B3GALT1: variants seen among roughly 807,000 people sequenced by gnomAD.
B3GALT1 encodes the protein beta-1,3-galactosyltransferase 1.
In B3GALT1, 10 loss-of-function variants were observed where a neutral mutation model predicts 23.2. The ratio of observed to expected loss-of-function variants is 0.43; its 90% CI spans 0.27 to 0.73. The LOEUF (loss-of-function observed/expected upper bound fraction) is 0.73, where lower values mean the gene tolerates loss of function less well. Ranked by LOEUF, B3GALT1 falls within the 30% of genes least tolerant of loss-of-function variation. B3GALT1 has a pLI of 0.21. For missense variants in B3GALT1, 299 were observed against 405.4 expected (o/e 0.74, Z 2.25); for synonymous variants, 156 against 141.5 (o/e 1.10, Z -0.73).
At chr2:167,303,682 C>CACACACACACAGAG (rs535369991) in intron 1 of B3GALT1, among the ~76,000 whole-genome samples, 23 of 148,834 alleles carry the variant, frequency 1.5e-4, no homozygotes, top group Admixed American at 6.0e-4. Context: ...CACACACACA[C>CACACACACACAGAG]AGAGAGAGAC....
intron 2 of B3GALT1, among the ~76,000 whole-genome samples, chr2:167,576,354 G>A (rs921566219): frequency 6.6e-6 from 1 of 151,622 alleles, no homozygotes. Flanking sequence ...TCTCCAATTA[G>A]AATAGTGTAC....
chr2:167,537,365 G>A (rs760815009), intron 2 of B3GALT1, among the ~76,000 whole-genome samples: 7 of 152,006 alleles, frequency 4.6e-5, no homozygotes, highest in Non-Finnish European at 7.4e-5. Flanking sequence ...TGGGGACACA[G>A]CCAAACCATA....
intron 1 of B3GALT1, among the ~76,000 whole-genome samples, chr2:167,460,804 G>T (rs1411398140): frequency 6.6e-6 from 1 of 152,132 alleles, no homozygotes; most frequent in African/African-American, 2.4e-5. Flanking sequence ...TAAAAAAGTT[G>T]TAGGCTATCT....
chr2:167,367,243 C>A lies in B3GALT1; in HGVS notation c.-511+73909C>A, dbSNP rs536781113. On this transcript the variant is annotated intron_variant, in intron 1 of 4. Coordinates refer to ENST00000392690, the MANE Select transcript of B3GALT1 (RefSeq NM_020981.4). ...CCTCCAATAAGCCTGGGAAAAAAAT[C>A]AAAAGAATAAACTAATTTCAAGAGC... 1.5e-4 allele frequency among the ~76,000 whole-genome samples: 23 copies of A among 152,228 alleles called. No individual in the cohort carries two copies. In the East Asian group the frequency reaches 4.2e-3, roughly 28 times the overall value.
At chr2:167,388,580 G>C (rs1335227785) in intron 1 of B3GALT1, among the ~76,000 whole-genome samples, 1 of 152,170 alleles carries the variant, frequency 6.6e-6, no homozygotes, top group Non-Finnish European at 1.5e-5. Flanking sequence ...AAGTAACCAA[G>C]ATTCCAGTGC....
chr2:167,846,704 C>CA (rs574336607), intron 4 of B3GALT1, among the ~76,000 whole-genome samples: 31 of 151,650 alleles, frequency 2.0e-4, no homozygotes, highest in African/African-American at 5.6e-4. Context: ...AAAGCAAAAA[C>CA]AAAAAAAAGT....
At chr2:167,492,057 A>G (rs750791767) in intron 2 of B3GALT1, among the ~76,000 whole-genome samples, 6 of 152,142 alleles carry the variant, frequency 3.9e-5, no homozygotes, top group Non-Finnish European at 7.4e-5. Flanking sequence ...ACGCACATAT[A>G]ATGACAAATT....
At chr2:167,840,090 A>G (rs1689603691) in intron 4 of B3GALT1, among the ~76,000 whole-genome samples, 3 of 152,226 alleles carry the variant, frequency 2.0e-5, no homozygotes, top group Admixed American at 2.0e-4. Context: ...AAGAAAACCT[A>G]GGCATTACCA....
chr2:167,562,717 A>G (rs1468689725), intron 2 of B3GALT1, among the ~76,000 whole-genome samples: 1 of 150,906 alleles, frequency 6.6e-6, no homozygotes, highest in Admixed American at 6.6e-5. Context: ...GCAGGGTCAC[A>G]GGACAATTAG....
rs78016931 is a variant in B3GALT1 at position 167,577,575 on chromosome 2, C to G, written c.-409-69334C>G. ...TCCAGATGCATCAGTTGATCACTTA[C>G]CCCATGCTGCATGGATTCATAATGA... On this transcript the variant is annotated intron_variant, in intron 2 of 4. Transcript: ENST00000392690. Among the ~76,000 whole-genome samples the G allele has an allele frequency of 9.9e-4, 151 of 151,914 alleles. 1 individual carries two copies. The East Asian group carries it at 0.025, about 25-fold the overall frequency.
chr2:167,834,433 G>C (rs1341692430), intron 4 of B3GALT1, among the ~76,000 whole-genome samples: 1 of 152,164 alleles, frequency 6.6e-6, no homozygotes, highest in South Asian at 2.1e-4. Context: ...GTCCTGGCTT[G>C]TCCGTCCTTG....
In B3GALT1 at chr2:167,753,829, C is replaced by G. The variant is rs114360713; in HGVS notation, c.-351-64843C>G. Among the ~76,000 whole-genome samples, 594 of 152,290 alleles carry G rather than the reference C, an allele frequency of 3.9e-3. 2 individuals carry two copies. The highest frequency in any genetic ancestry group is 0.013 in the African/African-American group (546 of 41,550). On this transcript the variant is annotated intron_variant, in intron 3 of 4. Coordinates refer to ENST00000392690, the MANE Select transcript of B3GALT1 (RefSeq NM_020981.4). Reference sequence around the variant, plus strand: ...TGGTTGCTAATCTGAGGGAAACCCACCAGATTCATTCACTTAGCCTCTCCA... The same window carrying G: ...TGGTTGCTAATCTGAGGGAAACCCAGCAGATTCATTCACTTAGCCTCTCCA...
At chr2:167,844,648 C>T (rs567597673) in intron 4 of B3GALT1, among the ~76,000 whole-genome samples, 6 of 152,186 alleles carry the variant, frequency 3.9e-5, no homozygotes, top group Admixed American at 6.5e-5. Context: ...AAGGATCCGT[C>T]GAGAGGGCAG....
At position 167,325,702 on chromosome 2, in the gene B3GALT1, CTTTTTTTTTTT is replaced by C. The variant is rs61066636; in HGVS notation, c.-511+32383_-511+32393del. Reference sequence around the variant, plus strand: ...TTTTGAGAAATCTCCACCCTGTTTTCTTTTTTTTTTTTTTTTTTTTTTTTTCTTTTTTCGAG... The same window carrying C: ...TTTTGAGAAATCTCCACCCTGTTTTCTTTTTTTTTTTTTTCTTTTTTCGAG... On this transcript the variant is annotated intron_variant, in intron 1 of 4. Transcript: ENST00000392690. Among the ~76,000 whole-genome samples, 293 of 110,560 alleles carry C rather than the reference CTTTTTTTTTTT, an allele frequency of 2.7e-3. 4 individuals are homozygous for C. The highest frequency in any genetic ancestry group is 4.4e-3 in the African/African-American group (134 of 30,236). The allele number at this position is 110,560 out of a possible 152,430, so 72.5% of individuals were successfully genotyped here.
chr2:167,742,684 G>A (rs901488214), intron 3 of B3GALT1, among the ~76,000 whole-genome samples: 1 of 151,966 alleles, frequency 6.6e-6, no homozygotes, highest in African/African-American at 2.4e-5. Flanking sequence ...TTAAGTATGA[G>A]CACAGAAATG....
intron 4 of B3GALT1, among the ~76,000 whole-genome samples, chr2:167,830,248 G>A (rs997118558): frequency 2.6e-5 from 4 of 152,034 alleles, no homozygotes; most frequent in African/African-American, 7.3e-5. Context: ...CACTAAGGCC[G>A]GGTCTTTTTC....
At position 167,486,572 on chromosome 2, in the gene B3GALT1, G is replaced by A. The variant is rs915830934; in HGVS notation, c.-510-3605G>A. On this transcript the variant is annotated intron_variant, in intron 1 of 4. Coordinates refer to ENST00000392690, the MANE Select transcript of B3GALT1 (RefSeq NM_020981.4). ...GTCTCTACTAAAAATACAAAAACTAGCTGGGTGTTGTGGCGCACGCCTGTA... is the reference window on the plus strand; with the variant it reads ...GTCTCTACTAAAAATACAAAAACTAACTGGGTGTTGTGGCGCACGCCTGTA... Among the ~76,000 whole-genome samples the A allele has an allele frequency of 4.0e-5, 6 of 151,590 alleles. No homozygotes were observed. The East Asian group carries it at 1.2e-3, about 30-fold the overall frequency.
intron 1 of B3GALT1, among the ~76,000 whole-genome samples, chr2:167,324,847 C>A (rs1227227780): frequency 6.6e-6 from 1 of 152,122 alleles, no homozygotes; most frequent in Non-Finnish European, 1.5e-5. Context: ...TAACCAACCT[C>A]TCTTCATCAG....
chr2:167,548,505 C>T (rs1683681709), intron 2 of B3GALT1, among the ~76,000 whole-genome samples: 1 of 152,132 alleles, frequency 6.6e-6, no homozygotes, highest in Non-Finnish European at 1.5e-5. Flanking sequence ...GGTGTGGGCC[C>T]TTCTTCTCCT....
Sources: allele counts gnomAD v4.1 joint callset (sites outside exome capture counted in the v4.1 genomes callset), GRCh38; gene constraint gnomAD v4.1.1; transcripts MANE v1.5; gene names NCBI Gene and HGNC (gene_info 2026-07-23, HGNC 2026-07-21).